Variants in TPD52 observed in about 807,000 individuals in gnomAD.
The protein encoded by TPD52 is prostate and colon associated protein.
TPD52 carries 17 observed loss-of-function variants against 31.3 expected under a neutral mutation model. The observed-to-expected ratio is 0.54, with a 90% CI of 0.37 to 0.82. The LOEUF (loss-of-function observed/expected upper bound fraction) is 0.82. TPD52 is among the 40% of genes least tolerant of loss of function. The probability of loss-of-function intolerance (pLI) is 0.00; values close to 1 mark genes in which losing one functional copy is unlikely to be tolerated. For missense variants in TPD52, 212 were observed against 240.1 expected (o/e 0.88, Z 0.77); for synonymous variants, 83 against 89.6 (o/e 0.93, Z 0.42).
intron 1 of TPD52, among the ~76,000 whole-genome samples, chr8:80,086,363 C>T (rs937781072): frequency 6.6e-6 from 1 of 151,580 alleles, no homozygotes; most frequent in Non-Finnish European, 1.5e-5. Flanking sequence ...GTGATCCACC[C>T]GCCTCGGTCC....
intron 1 of TPD52, among the ~76,000 whole-genome samples, chr8:80,101,801 C>A (rs961815102): frequency 6.6e-6 from 1 of 152,158 alleles, no homozygotes; most frequent in African/African-American, 2.4e-5. Context: ...AAGGATCCCC[C>A]CCATGACCCA....
At chr8:80,156,556 G>A (rs1810985341) in intron 1 of TPD52, among the ~76,000 whole-genome samples, 1 of 152,130 alleles carries the variant, frequency 6.6e-6, no homozygotes, top group Non-Finnish European at 1.5e-5. Context: ...AGTGACATAT[G>A]GATTTCTAAG....
chr8:80,080,245 G>A, intron 1 of TPD52: 1 of 1,455,962 alleles, frequency 6.9e-7, no homozygotes, highest in Admixed American at 1.8e-5. Flanking sequence ...CAATTTTAAA[G>A]CCAGGCAAAC....
At chr8:80,064,336 C>T (rs2130686153) in intron 2 of TPD52, 142 bp downstream of exon 2, 1 of 699,174 alleles carries the variant, frequency 1.4e-6, no homozygotes, top group African/African-American at 1.8e-5. Flanking sequence ...CTCTCCCCTA[C>T]TCAAGACCTG....
chr8:80,132,186 C>T (rs1159991580), intron 1 of TPD52, among the ~76,000 whole-genome samples: 1 of 151,952 alleles, frequency 6.6e-6, no homozygotes, highest in Non-Finnish European at 1.5e-5. Flanking sequence ...GCACCTGTAG[C>T]ACCTGTTAAA....
chr8:80,107,202 C>G (rs1323946527), intron 1 of TPD52, among the ~76,000 whole-genome samples: 1 of 152,154 alleles, frequency 6.6e-6, no homozygotes, highest in African/African-American at 2.4e-5. Context: ...CTGCACTAAA[C>G]CAGACCTGCA....
At chr8:80,158,306 C>G (rs770305916) in intron 1 of TPD52, 1 of 152,012 alleles carries the variant, frequency 6.6e-6, no homozygotes. Flanking sequence ...ACTCCACCCC[C>G]CACCCCCATC....
chr8:80,120,168 A>G (rs1255684785), intron 1 of TPD52, among the ~76,000 whole-genome samples: 1 of 152,158 alleles, frequency 6.6e-6, no homozygotes, highest in African/African-American at 2.4e-5. Context: ...TAAGCACAAC[A>G]AAATTGGAAT....
chr8:80,090,294 G>A (rs1463352878), intron 1 of TPD52, among the ~76,000 whole-genome samples: 1 of 152,208 alleles, frequency 6.6e-6, no homozygotes, highest in Non-Finnish European at 1.5e-5. Context: ...AGTTACTCAG[G>A]AGGCTGGGTC....
At chr8:80,040,989 G>C (rs1810323499) in intron 7 of TPD52, among the ~76,000 whole-genome samples, 1 of 152,184 alleles carries the variant, frequency 6.6e-6, no homozygotes, top group African/African-American at 2.4e-5. Context: ...AGTGAGGGCT[G>C]AATGAATAAG....
intron 1 of TPD52, chr8:80,067,450 G>C (rs1439446953): frequency 1.3e-5 from 2 of 152,146 alleles, no homozygotes; most frequent in Non-Finnish European, 2.9e-5. Flanking sequence ...CATGCCTTGA[G>C]AAAATTATTA....
intron 1 of TPD52, among the ~76,000 whole-genome samples, chr8:80,065,825 T>C (rs1421373613): frequency 2.0e-5 from 3 of 152,174 alleles, no homozygotes; most frequent in African/African-American, 4.8e-5. Flanking sequence ...TATTTGTATA[T>C]TATTTGACGA....
chr8:80,100,457 CG>C (rs1242926793), intron 1 of TPD52, among the ~76,000 whole-genome samples: 1 of 152,220 alleles, frequency 6.6e-6, no homozygotes, highest in Non-Finnish European at 1.5e-5. Context: ...CAATTGTTTT[CG>C]GAACAGAAAC....
intron 1 of TPD52, chr8:80,080,217 G>A (rs1815092661): frequency 9.3e-7 from 1 of 1,073,936 alleles, no homozygotes; most frequent in Admixed American, 2.0e-5. Flanking sequence ...ACACCACCCT[G>A]GTACATCTTT....
chr8:80,057,132 C>T (rs144734349), intron 2 of TPD52, among the ~76,000 whole-genome samples: 1,860 of 152,284 alleles, frequency 0.012, 14 homozygotes, highest in South Asian at 0.026. Context: ...CATGCTACTA[C>T]ACTCCAGCCT....
intron 1 of TPD52, among the ~76,000 whole-genome samples, chr8:80,072,784 TAC>T (rs760496029): frequency 1.1e-4 from 16 of 145,158 alleles, no homozygotes; most frequent in Admixed American, 2.0e-4. Context: ...TATATACACA[TAC>T]ACACACACAC....
At chr8:80,155,797 C>T (rs1810924715) in intron 1 of TPD52, among the ~76,000 whole-genome samples, 2 of 151,422 alleles carry the variant, frequency 1.3e-5, no homozygotes, top group Non-Finnish European at 2.9e-5. Context: ...GCAGGAGAAT[C>T]GCTTGAACCC....
intron 1 of TPD52, among the ~76,000 whole-genome samples, chr8:80,154,909 T>G (rs1046341248): frequency 1.3e-5 from 2 of 152,160 alleles, no homozygotes; most frequent in African/African-American, 4.8e-5. Context: ...TGATCTGTGA[T>G]GAGAGACCTT....
intron 5 of TPD52, among the ~76,000 whole-genome samples, chr8:80,047,292 A>C (rs531944578): frequency 3.3e-5 from 5 of 152,150 alleles, no homozygotes; most frequent in Non-Finnish European, 7.4e-5. Context: ...TGTAATATCA[A>C]AAACAATAGC....
Sources: allele counts gnomAD v4.1 joint callset (sites outside exome capture counted in the v4.1 genomes callset), GRCh38; gene constraint gnomAD v4.1.1; transcripts MANE v1.5; gene names NCBI Gene and HGNC (gene_info 2026-07-23, HGNC 2026-07-21).